The following PEX5L variants were observed in gnomAD, a reference collection of about 807,000 sequenced individuals.
PEX5L encodes the protein PEX5-related protein.
A neutral mutation model predicts 84.0 loss-of-function variants in PEX5L; 30 were observed. The ratio of observed to expected loss-of-function variants is 0.36; its 90% CI spans 0.27 to 0.48. PEX5L has a LOEUF of 0.48. PEX5L is among the 20% of genes least tolerant of loss of function. The pLI, the probability that PEX5L is intolerant of heterozygous loss-of-function variation, is 0.99. For missense variants in PEX5L, 533 were observed against 754.6 expected (o/e 0.71, Z 3.44); for synonymous variants, 270 against 283.1 (o/e 0.95, Z 0.46).
intron 1 of PEX5L, among the ~76,000 whole-genome samples, chr3:179,998,884 T>C (rs1041124036): frequency 1.8e-4 from 28 of 152,250 alleles, no homozygotes; most frequent in African/African-American, 6.3e-4. Context: ...CTATGGTCAG[T>C]TGACAGAGGA....
chr3:179,913,987 A>T (rs138319367), intron 2 of PEX5L, among the ~76,000 whole-genome samples: 2,188 of 152,296 alleles, frequency 0.014, 28 homozygotes, highest in Non-Finnish European at 0.022. Context: ...AGGATCTTTT[A>T]TAAATATGAT....
chr3:179,996,579 C>T (rs1010743835), intron 1 of PEX5L, among the ~76,000 whole-genome samples: 2 of 152,118 alleles, frequency 1.3e-5, no homozygotes, highest in Non-Finnish European at 2.9e-5. Context: ...CTACTCATCC[C>T]AGCTAGGAGG....
At chr3:179,935,394 T>C (rs1774303617) in intron 2 of PEX5L, among the ~76,000 whole-genome samples, 1 of 152,214 alleles carries the variant, frequency 6.6e-6, no homozygotes, top group Non-Finnish European at 1.5e-5. Context: ...GTAAGTATTT[T>C]CCTGTTGCTT....
At chr3:179,862,893 A>G (rs1050971569) in intron 7 of PEX5L, among the ~76,000 whole-genome samples, 10 of 152,202 alleles carry the variant, frequency 6.6e-5, no homozygotes, top group African/African-American at 2.4e-4. Context: ...AATCTTGAGC[A>G]AAAAGAACAA....
At chr3:179,975,146 A>C (rs1425873628) in intron 1 of PEX5L, among the ~76,000 whole-genome samples, 1 of 152,148 alleles carries the variant, frequency 6.6e-6, no homozygotes, top group African/African-American at 2.4e-5. Flanking sequence ...CCATGAATGC[A>C]CTATTGCACT....
chr3:179,961,201 ATGTGTG>A (rs72242969), intron 2 of PEX5L, among the ~76,000 whole-genome samples: 11 of 65,230 alleles, frequency 1.7e-4, no homozygotes, highest in Non-Finnish European at 3.1e-4. Context: ...GTGTATGTGT[ATGTGTG>A]TGTGTGTGTG....
At position 180,036,760 on chromosome 3, in the gene PEX5L, C is replaced by G; in HGVS notation, c.-161G>C. Reference sequence around the variant, plus strand: ...GGTACTCGGCCGGCCGGCGGCCACTCGGCAGCGCTGCGGGCTGCCGGGAAC... The same window carrying G: ...GGTACTCGGCCGGCCGGCGGCCACTGGGCAGCGCTGCGGGCTGCCGGGAAC... On this transcript the variant is annotated 5_prime_UTR_variant, in exon 1 of 15. Coordinates refer to ENST00000467460, the MANE Select transcript of PEX5L (RefSeq NM_016559.3). 3 of 735,588 alleles carry G rather than the reference C, an allele frequency of 4.1e-6. No homozygotes were observed. The South Asian group carries it at 4.5e-5, about 11-fold the overall frequency. The allele number at this position is 735,588 out of a possible 1,614,324, so 45.6% of individuals were successfully genotyped here. A position where few individuals can be genotyped will look rare whatever the true frequency, so the allele number is the denominator to read the frequency against.
intron 4 of PEX5L, among the ~76,000 whole-genome samples, chr3:179,883,473 C>G (rs1355483094): frequency 6.6e-6 from 1 of 152,196 alleles, no homozygotes; most frequent in Non-Finnish European, 1.5e-5. Context: ...TAAGGCAGCA[C>G]AGGACAGTGG....
intron 10 of PEX5L, among the ~76,000 whole-genome samples, chr3:179,814,350 A>G (rs971855456): frequency 4.6e-5 from 7 of 152,184 alleles, no homozygotes; most frequent in Non-Finnish European, 1.0e-4. Context: ...TGCAACACCC[A>G]ATGAGATAGT....
At chr3:179,844,665 A>G (rs1296451826) in intron 8 of PEX5L, among the ~76,000 whole-genome samples, 1 of 152,088 alleles carries the variant, frequency 6.6e-6, no homozygotes, top group Non-Finnish European at 1.5e-5. Flanking sequence ...TGTCTCTACT[A>G]AAAATACAAA....
chr3:179,991,364 T>C (rs1048824623), intron 1 of PEX5L, among the ~76,000 whole-genome samples: 1 of 152,152 alleles, frequency 6.6e-6, no homozygotes, highest in Non-Finnish European at 1.5e-5. Context: ...ACTCATGCTG[T>C]TTTATAATAG....
At chr3:179,879,814 G>C (rs184061442) in intron 5 of PEX5L, 115 bp downstream of exon 5, 157 of 668,624 alleles carry the variant, frequency 2.3e-4, no homozygotes, top group Non-Finnish European at 3.4e-4. Flanking sequence ...TTTCCACCAT[G>C]GAATGCCTTT....
intron 1 of PEX5L, among the ~76,000 whole-genome samples, chr3:180,017,253 CT>C (rs1466412458): frequency 2.6e-5 from 4 of 152,142 alleles, no homozygotes; most frequent in Non-Finnish European, 5.9e-5. Context: ...ACGGAAATAT[CT>C]TTTATGATTT....
chr3:180,019,920 G>A (rs1790281955), intron 1 of PEX5L, among the ~76,000 whole-genome samples: 1 of 152,152 alleles, frequency 6.6e-6, no homozygotes, highest in Non-Finnish European at 1.5e-5. Flanking sequence ...ATCTGTGAAT[G>A]TTCTTATCGA....
chr3:179,848,410 G>A (rs774906305), intron 8 of PEX5L, among the ~76,000 whole-genome samples: 9 of 151,836 alleles, frequency 5.9e-5, no homozygotes, highest in Non-Finnish European at 1.0e-4. Context: ...AATTAGCCAG[G>A]CATGGTGGTA....
chr3:179,978,222 G>A (rs1785996570), intron 1 of PEX5L, among the ~76,000 whole-genome samples: 1 of 151,956 alleles, frequency 6.6e-6, no homozygotes, highest in South Asian at 2.1e-4. Flanking sequence ...CTACCTTTAG[G>A]GTGGCTTTTG....
intron 3 of PEX5L, among the ~76,000 whole-genome samples, chr3:179,894,661 T>C (rs532082106): frequency 6.6e-6 from 1 of 152,222 alleles, no homozygotes; most frequent in African/African-American, 2.4e-5. Context: ...GCCTTGAAAA[T>C]ATTCTTCCAA....
At position 179,932,024 on chromosome 3, in the gene PEX5L, T is replaced by C. The variant is rs540351968; in HGVS notation, c.94-33778A>G. Among the ~76,000 whole-genome samples, 52 of 152,340 alleles carry C rather than the reference T, an allele frequency of 3.4e-4. 2 individuals carry two copies. In the East Asian group the frequency reaches 0.01, roughly 29 times the overall value. ...GCAAATATTTCTATGTACAAGGATATGTTTATCCTAATCTTATTTAGAGTT... is the reference window on the plus strand; with the variant it reads ...GCAAATATTTCTATGTACAAGGATACGTTTATCCTAATCTTATTTAGAGTT... On this transcript the variant is annotated intron_variant, in intron 2 of 14. Coordinates refer to ENST00000467460, the MANE Select transcript of PEX5L (RefSeq NM_016559.3).
chr3:179,958,034 A>G (rs1006786811), intron 2 of PEX5L, among the ~76,000 whole-genome samples: 1 of 152,122 alleles, frequency 6.6e-6, no homozygotes, highest in African/African-American at 2.4e-5. Flanking sequence ...TCTCACACAC[A>G]TACACACACA....
Sources: gnomAD v4.1 joint callset for allele counts (sites outside exome capture counted in the v4.1 genomes callset) on GRCh38, gnomAD v4.1.1 for gene constraint, MANE v1.5 for transcripts, NCBI Gene and HGNC (gene_info 2026-07-23, HGNC 2026-07-21) for gene names.